DAAM2: variants seen among roughly 807,000 people sequenced by gnomAD.
DAAM2 encodes dishevelled associated activator of morphogenesis 2, also known as disheveled-associated activator of morphogenesis 2.
A neutral mutation model predicts 120.7 loss-of-function variants in DAAM2; 39 were observed. The ratio of observed to expected loss-of-function variants is 0.32; its 90% confidence interval spans 0.25 to 0.42. DAAM2 has a LOEUF of 0.42. Ranked by LOEUF, DAAM2 falls within the 10% of genes least tolerant of loss-of-function variation. The pLI, the probability that DAAM2 is intolerant of heterozygous loss-of-function variation, is 1.00. For missense variants in DAAM2, 1,283 were observed against 1,401.7 expected (o/e 0.92, Z 1.35); for synonymous variants, 488 against 524.9 (o/e 0.93, Z 0.96).
At chr6:39,844,473 T>G (rs904387494) in intron 1 of DAAM2, among the ~76,000 whole-genome samples, 1 of 152,132 alleles carries the variant, frequency 6.6e-6, no homozygotes, top group South Asian at 2.1e-4. Flanking sequence ...CATCGTCTCC[T>G]GGTTTTGAAC....
intron 19 of DAAM2, among the ~76,000 whole-genome samples, chr6:39,895,710 T>A (rs572041156): frequency 4.8e-4 from 73 of 152,326 alleles, no homozygotes; most frequent in African/African-American, 1.7e-3. Context: ...GTAGACAAAA[T>A]CTCAGTTTAG....
intron 1 of DAAM2, among the ~76,000 whole-genome samples, chr6:39,836,672 C>T (rs1323073473): frequency 6.6e-6 from 1 of 152,182 alleles, no homozygotes; most frequent in Non-Finnish European, 1.5e-5. Context: ...ACAAGCCCTC[C>T]AGGAAATTCT....
chr6:39,873,214 T>C (rs75638659), intron 9 of DAAM2, 24 bp from the exon 10 acceptor site: 1 of 1,494,426 alleles, frequency 6.7e-7, no homozygotes, highest in African/African-American at 1.4e-5. Flanking sequence ...TACCCACTGA[T>C]CACTGTGCCC....
intron 1 of DAAM2, among the ~76,000 whole-genome samples, chr6:39,828,776 T>C (rs1762772643): frequency 6.6e-6 from 1 of 151,992 alleles, no homozygotes; most frequent in African/African-American, 2.4e-5. Flanking sequence ...TTGGCCTGGA[T>C]GGTGTTGATC....
chr6:39,818,718 C>T (rs1290917335), intron 1 of DAAM2: 1 of 152,104 alleles, frequency 6.6e-6, no homozygotes, highest in Non-Finnish European at 1.5e-5. Flanking sequence ...TTGAAGTATG[C>T]CTTGCAATTA....
At chr6:39,795,357 C>T (rs1337476277) in intron 1 of DAAM2, among the ~76,000 whole-genome samples, 43 of 152,188 alleles carry the variant, frequency 2.8e-4, no homozygotes, top group Non-Finnish European at 4.4e-5. Context: ...CAGCCCTAGA[C>T]TTCAGAGGCA....
intron 9 of DAAM2, 93 bp downstream of exon 9, chr6:39,871,665 G>A (rs1764668711): frequency 6.2e-6 from 7 of 1,136,790 alleles, no homozygotes; most frequent in Non-Finnish European, 8.8e-6. Context: ...TTGTGGCAGG[G>A]CTGGTGTGGG....
rs564092588 is a variant in DAAM2 at position 39,812,679 on chromosome 6, A to G, written c.-57+20214A>G. 3.8e-3 allele frequency among the ~76,000 whole-genome samples: 346 copies of G among 91,392 alleles called. 2 individuals are homozygous for G. The highest frequency in any genetic ancestry group is 7.2e-3 in the Non-Finnish European group (257 of 35,904). The allele number at this position is 91,392 out of a possible 152,430, so 60.0% of individuals were successfully genotyped here. The stretch of plus-strand genomic sequence containing the variant: ...AGCAGGTAGCTTTTGGAGTGCCTGT[A>G]ACTCAAACAATTTAATCTGACATCT... On this transcript the variant is annotated intron_variant, in intron 1 of 24. Coordinates refer to ENST00000274867, the MANE Select transcript of DAAM2 (RefSeq NM_001201427.2).
At chr6:39,885,447 A>G (rs1043705829) in intron 15 of DAAM2, 1 of 152,162 alleles carries the variant, frequency 6.6e-6, no homozygotes, top group South Asian at 2.1e-4. Flanking sequence ...CCACCTCCTC[A>G]TTTGAGAGTC....
chr6:39,839,775 C>G (rs1456956295), intron 1 of DAAM2, among the ~76,000 whole-genome samples: 1 of 152,182 alleles, frequency 6.6e-6, no homozygotes, highest in Non-Finnish European at 1.5e-5. Context: ...GTGAGGGGAG[C>G]CCAGTGTTCA....
At chr6:39,899,959 G>T (rs957367850) in intron 22 of DAAM2, 118 bp from the exon 23 acceptor site, 4 of 1,091,852 alleles carry the variant, frequency 3.7e-6, no homozygotes, top group Middle Eastern at 2.2e-4. Flanking sequence ...GAGATGCAGG[G>T]TGTTCCCTCT....
chr6:39,879,913 G>A, intron 14 of DAAM2: 1 of 270,990 alleles, frequency 3.7e-6, no homozygotes, highest in Non-Finnish European at 7.2e-6. Flanking sequence ...TAGCTATTTT[G>A]GCATCTTCCT....
Position 39,901,148 on chromosome 6 carries a change from G to A in DAAM2, c.2812-154G>A, listed in dbSNP as rs1459706665. 6.6e-6 allele frequency among the ~76,000 whole-genome samples: 1 copy of A among 152,052 alleles called. No individual in the cohort carries two copies. Among genetic ancestry groups the A allele is most frequent in the African/African-American group, 2.4e-5 (1 of 41,416 alleles). On this transcript the variant is annotated intron_variant, in intron 23 of 24. Transcript: ENST00000274867. This position sits in a 1 kb window ranked among gnomAD's most constrained non-coding sequence, Gnocchi z 4.5. ...TTGTCTCTGATCCTGATGATGATGG[G>A]GGTGTCTTCTCACCTCTTCCAGCCC...
chr6:39,856,809 C>T (rs942667453), intron 2 of DAAM2, among the ~76,000 whole-genome samples: 5 of 152,172 alleles, frequency 3.3e-5, no homozygotes, highest in Middle Eastern at 3.2e-3. Flanking sequence ...GAACATTTGA[C>T]GCCTTTCTCT....
intron 7 of DAAM2, 44 bp downstream of exon 7, chr6:39,868,977 G>T: frequency 7.3e-7 from 1 of 1,377,840 alleles, no homozygotes; most frequent in South Asian, 1.2e-5. Context: ...TGACTTTCTG[G>T]ACCTGGGGTA....
chr6:39,799,790 A>G (rs576535518), intron 1 of DAAM2, among the ~76,000 whole-genome samples: 74 of 152,258 alleles, frequency 4.9e-4, no homozygotes, highest in Non-Finnish European at 9.4e-4. Flanking sequence ...GCAAAGATAT[A>G]TAAAGACAAG....
intron 1 of DAAM2, among the ~76,000 whole-genome samples, chr6:39,813,845 T>C (rs2114081587): frequency 6.6e-6 from 1 of 152,364 alleles, no homozygotes; most frequent in South Asian, 2.1e-4. Context: ...ATACATATTA[T>C]ATGTGCAGAT....
chr6:39,796,668 C>CAGTTTGAT (rs1395609705), intron 1 of DAAM2, among the ~76,000 whole-genome samples: 1 of 145,694 alleles, frequency 6.9e-6, no homozygotes, highest in Non-Finnish European at 1.5e-5. Context: ...GAACTTTAGG[C>CAGTTTGAT]AGTTTGATGT....
intron 15 of DAAM2, chr6:39,885,296 A>G (rs1173883232): frequency 6.6e-6 from 1 of 152,248 alleles, no homozygotes; most frequent in Admixed American, 6.5e-5. Context: ...TTTTAACCCC[A>G]TGCCCATGTC....
Sources: allele counts gnomAD v4.1 joint callset (sites outside exome capture counted in the v4.1 genomes callset), GRCh38; gene constraint gnomAD v4.1.1; non-coding constraint Gnocchi (gnomAD v3.1); transcripts MANE v1.5; gene names NCBI Gene and HGNC (gene_info 2026-07-23, HGNC 2026-07-21).